The following TMTC2 variants were observed in gnomAD, a reference collection of about 807,000 sequenced individuals.
The protein encoded by TMTC2 is transmembrane O-mannosyltransferase targeting cadherins 2.
A neutral mutation model predicts 82.4 loss-of-function variants in TMTC2; 43 were observed. The ratio of observed to expected loss-of-function variants is 0.52; its 90% CI spans 0.41 to 0.67. The LOEUF is 0.67. TMTC2 is among the 30% of genes least tolerant of loss of function. TMTC2 has a pLI of 0.00. For synonymous variants in TMTC2, 408 were observed against 381.9 expected (o/e 1.07, Z -0.80); for missense variants, 919 against 1,012.4 (o/e 0.91, Z 1.25).
intron 1 of TMTC2, among the ~76,000 whole-genome samples, chr12:82,778,575 C>T (rs954171420): frequency 1.3e-5 from 2 of 152,004 alleles, no homozygotes; most frequent in East Asian, 1.9e-4. Context: ...ATCGGCCGGG[C>T]GCAGTGGCTA....
intron 1 of TMTC2, among the ~76,000 whole-genome samples, chr12:82,703,156 C>G (rs1873161716): frequency 2.0e-5 from 3 of 152,254 alleles, no homozygotes; most frequent in Admixed American, 1.3e-4. Context: ...GAGCAATGAT[C>G]ATACCACTGC....
chr12:82,830,864 G>A (rs766026061), intron 1 of TMTC2, among the ~76,000 whole-genome samples: 3 of 152,060 alleles, frequency 2.0e-5, no homozygotes, highest in Non-Finnish European at 4.4e-5. Flanking sequence ...AGTTTTAAAT[G>A]TATACCAAAC....
chr12:82,822,364 A>T (rs1869165550), intron 1 of TMTC2, among the ~76,000 whole-genome samples: 1 of 152,116 alleles, frequency 6.6e-6, no homozygotes, highest in Non-Finnish European at 1.5e-5. Context: ...TATAGCCAGG[A>T]TGTTCATAGT....
chr12:83,002,936 A>G (rs1288996003), intron 8 of TMTC2, among the ~76,000 whole-genome samples: 3 of 152,002 alleles, frequency 2.0e-5, no homozygotes, highest in Non-Finnish European at 4.4e-5. Flanking sequence ...TGAAGTGTCA[A>G]GTTTAGGCCT....
At position 82,857,006 on chromosome 12, in the gene TMTC2, T is replaced by C; in HGVS notation, c.84-4T>C. 6.3e-7 allele frequency: 1 copy of C among 1,587,878 alleles called. No homozygotes were observed. Among genetic ancestry groups the C allele is most frequent in the Non-Finnish European group, 8.6e-7 (1 of 1,169,028 alleles). ...TTGATTTTTTTTAACGTTTTGTTTT[T>C]TAGCCGTGCTATCAAGACTAATCAG... On this transcript the variant is annotated splice_polypyrimidine_tract_variant and splice_region_variant and intron_variant, in intron 1 of 11. Coordinates refer to ENST00000321196, the MANE Select transcript of TMTC2 (RefSeq NM_152588.3).
At chr12:82,725,264 C>A (rs981880370) in intron 1 of TMTC2, among the ~76,000 whole-genome samples, 3 of 151,972 alleles carry the variant, frequency 2.0e-5, no homozygotes, top group Admixed American at 2.0e-4. Context: ...ATCTGTATAA[C>A]CAAAGTAAGT....
At chr12:83,125,752 T>G (rs1885081335) in intron 11 of TMTC2, among the ~76,000 whole-genome samples, 1 of 152,208 alleles carries the variant, frequency 6.6e-6, no homozygotes, top group Non-Finnish European at 1.5e-5. Context: ...GATTTTCAGA[T>G]TTGGGATAGC....
chr12:82,965,479 C>T (rs1281824426), intron 5 of TMTC2, 81 bp from the exon 6 acceptor site: 8 of 1,497,340 alleles, frequency 5.3e-6, no homozygotes. Flanking sequence ...ACCATAGAAA[C>T]CAAATTGAAA....
At chr12:82,945,121 A>G (rs747307759) in intron 4 of TMTC2, among the ~76,000 whole-genome samples, 1 of 152,196 alleles carries the variant, frequency 6.6e-6, no homozygotes. Context: ...TGAACTAACT[A>G]TTAAGCCTTG....
At chr12:83,024,225 T>G (rs1881064507) in intron 8 of TMTC2, among the ~76,000 whole-genome samples, 1 of 152,162 alleles carries the variant, frequency 6.6e-6, no homozygotes, top group Non-Finnish European at 1.5e-5. Flanking sequence ...ATGTAACACA[T>G]AAATATGTAC....
intron 1 of TMTC2, among the ~76,000 whole-genome samples, chr12:82,764,047 T>C (rs1161534805): frequency 3.3e-5 from 5 of 152,206 alleles, no homozygotes; most frequent in African/African-American, 1.2e-4. Flanking sequence ...GCAATATTCA[T>C]TTAGTTTTAG....
Position 83,132,346 on chromosome 12 carries a change from G to T in TMTC2, c.2468G>T (p.Trp823Leu). Residue 823 changes from tryptophan to leucine, a missense_variant, in exon 12 of 12, where the codon TGG becomes TTG. Coordinates refer to ENST00000321196, the MANE Select transcript of TMTC2 (RefSeq NM_152588.3). ...ACACAGTCCAATCTCCGCAAACTGT[G>T]GAACATCATGGAAAAACAAGGCTTA... ...VITQSNLRKLWNIMEKQGLKT... is the reference protein window; with the variant it reads ...VITQSNLRKLLNIMEKQGLKT... 6.2e-7 allele frequency: 1 copy of T among 1,613,946 alleles called. No individual in the cohort carries two copies. Among genetic ancestry groups the T allele is most frequent in the Non-Finnish European group, 8.5e-7 (1 of 1,179,962 alleles).
chr12:82,757,385 C>T (rs1342781009), intron 1 of TMTC2, among the ~76,000 whole-genome samples: 1 of 152,156 alleles, frequency 6.6e-6, no homozygotes, highest in Admixed American at 6.5e-5. Context: ...ATTAAATATA[C>T]TTGAATGCTT....
intron 3 of TMTC2, 31 bp from the exon 4 acceptor site, chr12:82,930,400 C>G (rs760288640): frequency 7.5e-7 from 1 of 1,326,168 alleles, no homozygotes; most frequent in Non-Finnish European, 1.1e-6. Context: ...GATTGATGCT[C>G]AGTCTGAAAA....
intron 1 of TMTC2, among the ~76,000 whole-genome samples, chr12:82,802,655 A>C (rs962915319): frequency 5.3e-5 from 8 of 152,188 alleles, no homozygotes; most frequent in Non-Finnish European, 1.2e-4. Flanking sequence ...AGGGTAAAGG[A>C]GAAAGAATTC....
chr12:82,817,484 G>C (rs1374954600), intron 1 of TMTC2, among the ~76,000 whole-genome samples: 2 of 152,102 alleles, frequency 1.3e-5, no homozygotes, highest in Admixed American at 1.3e-4. Flanking sequence ...ATGTGTTTCT[G>C]TAAGTGGAGT....
intron 8 of TMTC2, among the ~76,000 whole-genome samples, chr12:83,018,051 A>G (rs12812031): frequency 5.6e-4 from 69 of 124,270 alleles, no homozygotes; most frequent in South Asian, 1.4e-3. Context: ...GTGTGTATGT[A>G]TATATATATA....
intron 1 of TMTC2, among the ~76,000 whole-genome samples, chr12:82,802,941 G>A (rs1879080769): frequency 6.6e-6 from 1 of 152,116 alleles, no homozygotes; most frequent in Non-Finnish European, 1.5e-5. Flanking sequence ...TAGTCATGAG[G>A]GCTTGAATGT....
chr12:82,911,262 C>G (rs1007611571), intron 3 of TMTC2, among the ~76,000 whole-genome samples: 10 of 152,066 alleles, frequency 6.6e-5, no homozygotes, highest in African/African-American at 2.4e-4. Flanking sequence ...GGCAGGAAGG[C>G]AGGAGTGCCT....
Sources: allele counts gnomAD v4.1 joint callset (sites outside exome capture counted in the v4.1 genomes callset), GRCh38; gene constraint gnomAD v4.1.1; transcripts MANE v1.5; gene names NCBI Gene and HGNC (gene_info 2026-07-23, HGNC 2026-07-21).